Variants in CNTNAP3 observed in about 807,000 individuals in gnomAD.
CNTNAP3 encodes the protein contactin-associated protein-like 3.
Under a neutral mutation model 92.1 loss-of-function variants are expected in CNTNAP3, and 36 were observed. The ratio of observed to expected loss-of-function variants is 0.39; its 90% CI spans 0.30 to 0.52. CNTNAP3 has a LOEUF of 0.52. Among genes scored for constraint, CNTNAP3 ranks in the 20% least tolerant of loss-of-function variants. The pLI, the probability that CNTNAP3 is intolerant of heterozygous loss-of-function variation, is 0.76. For synonymous variants in CNTNAP3, 232 were observed against 422.3 expected (o/e 0.55, Z 5.53); for missense variants, 534 against 1,069.6 (o/e 0.50, Z 6.98).
At chr9:39,123,425 A>C (rs1821084023) in intron 13 of CNTNAP3, among the ~76,000 whole-genome samples, 1 of 152,064 alleles carries the variant, frequency 6.6e-6, no homozygotes, top group Admixed American at 6.6e-5. Flanking sequence ...GGTGTAACCT[A>C]TGTAACCCAT....
chr9:39,130,431 A>G (rs1302519355), intron 13 of CNTNAP3, among the ~76,000 whole-genome samples: 1 of 152,078 alleles, frequency 6.6e-6, no homozygotes, highest in African/African-American at 2.4e-5. Flanking sequence ...CATTCTTGAA[A>G]TTTAAAAAAA....
chr9:39,118,358 A>G, intron 13 of CNTNAP3, 99 bp from the exon 14 acceptor site: 1 of 1,488,454 alleles, frequency 6.7e-7, no homozygotes, highest in Non-Finnish European at 9.1e-7. Flanking sequence ...TGTATGTGTG[A>G]GAGACAGAGA....
intron 13 of CNTNAP3, among the ~76,000 whole-genome samples, chr9:39,122,790 A>T (rs1587719142): frequency 6.6e-6 from 1 of 152,230 alleles, no homozygotes; most frequent in Non-Finnish European, 1.5e-5. Flanking sequence ...GAAATATCAG[A>T]TAAAGAATTT....
At chr9:39,082,107 C>A (rs1294944474) in intron 21 of CNTNAP3, among the ~76,000 whole-genome samples, 2 of 144,754 alleles carry the variant, frequency 1.4e-5, no homozygotes, top group Non-Finnish European at 3.1e-5. Context: ...AACAAAGAAA[C>A]TCAAATCAAT....
At chr9:39,148,715 C>T (rs878999399) in intron 10 of CNTNAP3, among the ~76,000 whole-genome samples, 3 of 151,756 alleles carry the variant, frequency 2.0e-5, no homozygotes, top group South Asian at 2.1e-4. Context: ...TTAGTAGAGA[C>T]GGGGTTTCAC....
intron 17 of CNTNAP3, among the ~76,000 whole-genome samples, 185 bp from the exon 18 acceptor site, chr9:39,100,335 A>G (rs574421784): frequency 6.6e-6 from 1 of 152,332 alleles, no homozygotes; most frequent in East Asian, 1.9e-4. Context: ...GACATTGAAT[A>G]AAACACTTAT....
intron 14 of CNTNAP3, among the ~76,000 whole-genome samples, chr9:39,115,475 TCCCACCCC>T (rs1820833919): frequency 9.1e-6 from 1 of 109,804 alleles, no homozygotes; most frequent in African/African-American, 3.7e-5. Context: ...AATTGTAATT[TCCCACCCC>T]CCCACCCCCA....
chr9:39,113,158 T>C (rs1244147083), intron 14 of CNTNAP3, among the ~76,000 whole-genome samples: 1 of 152,062 alleles, frequency 6.6e-6, no homozygotes, highest in Non-Finnish European at 1.5e-5. Context: ...CCTTCCTCTC[T>C]GTGTGATGAC....
At chr9:39,075,188 C>T (rs1286471588) in intron 23 of CNTNAP3, among the ~76,000 whole-genome samples, 1 of 151,632 alleles carries the variant, frequency 6.6e-6, no homozygotes, top group Non-Finnish European at 1.5e-5. Flanking sequence ...TTTGAAAGAC[C>T]TGGGCAAAAT....
intron 13 of CNTNAP3, among the ~76,000 whole-genome samples, chr9:39,130,080 C>T (rs1164057039): frequency 6.6e-6 from 1 of 152,134 alleles, no homozygotes; most frequent in African/African-American, 2.4e-5. Flanking sequence ...AACAATTTGG[C>T]AGCTTTTTAT....
intron 18 of CNTNAP3, among the ~76,000 whole-genome samples, chr9:39,088,858 C>A (rs1483463367): frequency 6.6e-6 from 1 of 151,548 alleles, no homozygotes; most frequent in Non-Finnish European, 1.5e-5. Context: ...ATACTCATAA[C>A]CCAAAATTGA....
chr9:39,162,578 C>T (rs1822097422), intron 9 of CNTNAP3, among the ~76,000 whole-genome samples: 1 of 57,534 alleles, frequency 1.7e-5, no homozygotes, highest in Admixed American at 1.9e-4. Context: ...AACCTAAATA[C>T]CCATCAACAG....
At chr9:39,075,470 T>C (rs1825736393) in intron 23 of CNTNAP3, among the ~76,000 whole-genome samples, 1 of 151,972 alleles carries the variant, frequency 6.6e-6, no homozygotes, top group Non-Finnish European at 1.5e-5. Flanking sequence ...GTAATCAGAA[T>C]ATGTCACCCC....
Position 39,066,528 on chromosome 9 carries a change from C to T in CNTNAP3, c.*7362G>A, listed in dbSNP as rs1825513089. On this transcript the variant is annotated 3_prime_UTR_variant, in exon 24 of 24. Transcript: ENST00000297668. ...TCCTGAAAGGCTTTTACACTGTTCT[C>T]ATAGTCCAGGTTTGCTGATAATATA... Among the ~76,000 whole-genome samples the T allele has an allele frequency of 1.3e-5, 2 of 152,226 alleles. No homozygotes were observed. The highest frequency in any genetic ancestry group is 2.9e-5 in the Non-Finnish European group (2 of 68,034).
Position 39,113,078 on chromosome 9 carries a change from G to A in CNTNAP3, c.2238-3791C>T, listed in dbSNP as rs573696049. Reference sequence around the variant, plus strand: ...GGCTAATTTTTTTTTGTTATGGGGGGGCTGTCCTGTGCACTGTAGGATGCT... The same window carrying A: ...GGCTAATTTTTTTTTGTTATGGGGGAGCTGTCCTGTGCACTGTAGGATGCT... On this transcript the variant is annotated intron_variant, in intron 14 of 23. Coordinates refer to ENST00000297668, the MANE Select transcript of CNTNAP3 (RefSeq NM_033655.5). 3.9e-5 allele frequency among the ~76,000 whole-genome samples: 6 copies of A among 152,056 alleles called. No individual in the cohort carries two copies. In the South Asian group the frequency reaches 1.2e-3, roughly 32 times the overall value.
chr9:39,081,600 G>A (rs1331092023), intron 21 of CNTNAP3, among the ~76,000 whole-genome samples: 5 of 151,070 alleles, frequency 3.3e-5, no homozygotes, highest in Admixed American at 6.6e-5. Flanking sequence ...GGCACTTGAC[G>A]TTGTGGGAAA....
intron 21 of CNTNAP3, among the ~76,000 whole-genome samples, chr9:39,081,929 A>C (rs1281189625): frequency 7.5e-6 from 1 of 134,224 alleles, no homozygotes; most frequent in Non-Finnish European, 1.6e-5. Context: ...ATACAAAAAA[A>C]AAAAAAAATT....
intron 18 of CNTNAP3, among the ~76,000 whole-genome samples, chr9:39,099,553 C>T (rs974283641): frequency 7.2e-5 from 11 of 151,948 alleles, no homozygotes; most frequent in African/African-American, 1.9e-4. Context: ...AATAGCAATA[C>T]GTTGTCTCTA....
intron 19 of CNTNAP3, among the ~76,000 whole-genome samples, chr9:39,087,229 G>A (rs2118422420): frequency 6.6e-6 from 1 of 152,276 alleles, no homozygotes; most frequent in South Asian, 2.1e-4. Context: ...TCAACATTCA[G>A]TTCCTGTAAT....
Sources: allele counts gnomAD v4.1 joint callset (sites outside exome capture counted in the v4.1 genomes callset), GRCh38; gene constraint gnomAD v4.1.1; transcripts MANE v1.5; gene names NCBI Gene and HGNC (gene_info 2026-07-23, HGNC 2026-07-21).